The following FMO3 variants were observed in gnomAD, a reference collection of about 807,000 sequenced individuals.
The protein encoded by FMO3 is flavin-containing monooxygenase 3.
Under a neutral mutation model 39.4 loss-of-function variants are expected in FMO3, and 40 were observed. That is an observed-to-expected ratio of 1.02 (90% CI 0.79 to 1.32). FMO3 has a LOEUF of 1.32. Ranked by LOEUF, FMO3 falls within the 40% of genes most tolerant of loss-of-function variation. The probability of loss-of-function intolerance (pLI) is 0.00; values close to 1 mark genes in which losing one functional copy is unlikely to be tolerated. For synonymous variants in FMO3, 219 were observed against 228.8 expected (o/e 0.96, Z 0.39); for missense variants, 680 against 651.8 (o/e 1.04, Z -0.47).
chr1:171,108,656 G>A (rs1655759867), intron 5 of FMO3, among the ~76,000 whole-genome samples: 1 of 152,082 alleles, frequency 6.6e-6, no homozygotes, highest in Admixed American at 6.6e-5. Flanking sequence ...ATACAGAGTG[G>A]CTCATTTATT....
At chr1:171,096,234 T>C (rs1193794348) in intron 2 of FMO3, among the ~76,000 whole-genome samples, 1 of 49,088 alleles carries the variant, frequency 2.0e-5, no homozygotes, top group Non-Finnish European at 2.9e-5. Context: ...ACATAAAATA[T>C]ATTATTTCAT....
At position 171,117,381 on chromosome 1, in the gene FMO3, A is replaced by G. The variant is rs1213957447; in HGVS notation, c.1538A>G (p.His513Arg). Residue 513 changes from histidine (H) to arginine (R), a missense_variant, in exon 9 of 9, where the codon CAT becomes CGT. Transcript: ENST00000367755. ...GRLQKPCFFF[H>R]WLKLFAIPIL... ...CTTCAGAAGCCTTGCTTCTTTTTCC[A>G]TTGGCTGAAGCTCTTTGCAATTCCT... is the stretch of plus-strand genomic sequence containing the variant. The G allele has an allele frequency of 3.7e-6, 6 of 1,612,320 alleles. No homozygotes were observed. Among genetic ancestry groups the G allele is most frequent in the South Asian group, 1.1e-5 (1 of 90,900 alleles).
chr1:171,103,519 C>T (rs1174688454), intron 2 of FMO3, among the ~76,000 whole-genome samples: 1 of 152,106 alleles, frequency 6.6e-6, no homozygotes, highest in African/African-American at 2.4e-5. Context: ...AAAAACAATA[C>T]ACTACAACTA....
At chr1:171,095,519 C>G (rs1571199642) in intron 2 of FMO3, among the ~76,000 whole-genome samples, 1 of 151,376 alleles carries the variant, frequency 6.6e-6, no homozygotes, top group African/African-American at 2.4e-5. Flanking sequence ...ATTAATGACC[C>G]TTTTAAGCCA....
chr1:171,105,059 A>AT (rs930783327), intron 3 of FMO3, among the ~76,000 whole-genome samples: 10 of 113,964 alleles, frequency 8.8e-5, no homozygotes, highest in African/African-American at 2.0e-4. Flanking sequence ...AATTTTCTCA[A>AT]TTTTTTAAAA....
Position 171,103,975 on chromosome 1 carries a change from T to G in FMO3, c.321+2T>G. On this transcript the variant is annotated splice_donor_variant, in intron 3 of 8. Coordinates refer to ENST00000367755, the MANE Select transcript of FMO3 (RefSeq NM_001002294.3). LOFTEE classifies it high-confidence loss of function. ...CTCCTGAAGTACATACAATTTAAGG[T>G]AAGATGTTATCAACAATTTAGCTCT... 1 of 1,602,220 alleles carries G rather than the reference T, an allele frequency of 6.2e-7. No individual in the cohort carries two copies. The highest frequency in any genetic ancestry group is 8.6e-7 in the Non-Finnish European group (1 of 1,169,512).
chr1:171,112,276 G>A (rs1225084759), intron 6 of FMO3, among the ~76,000 whole-genome samples: 3 of 152,190 alleles, frequency 2.0e-5, no homozygotes, highest in Non-Finnish European at 4.4e-5. Context: ...AACTACAGCA[G>A]GCATCTGAGC....
chr1:171,116,071 C>G, intron 7 of FMO3, 137 bp from the exon 8 acceptor site: 1 of 657,300 alleles, frequency 1.5e-6, no homozygotes, highest in South Asian at 1.8e-5. Flanking sequence ...TCTGAGAAGA[C>G]TAGAACTGAA....
Position 171,097,513 on chromosome 1 carries a change from GT to G in FMO3, c.132+4727del, listed in dbSNP as rs1328376723. On this transcript the variant is annotated intron_variant, in intron 2 of 8. Transcript: ENST00000367755. ...TGGTGTGAGATGATATCTCATTTTG[GT>G]TTTGATTTGCATTTCTCTGATGGTC... is the stretch of plus-strand genomic sequence containing the variant. Among the ~76,000 whole-genome samples, 18 of 126,442 alleles carry G rather than the reference GT, an allele frequency of 1.4e-4. 3 individuals are homozygous for G. Among genetic ancestry groups the G allele is most frequent in the Non-Finnish European group, 2.3e-4 (14 of 61,798 alleles). 83.0% of individuals were successfully genotyped at this position (126,442 alleles called of 152,430 possible).
Position 171,104,965 on chromosome 1 carries a change from A to T in FMO3, c.321+992A>T, listed in dbSNP as rs143637584. The stretch of plus-strand genomic sequence containing the variant: ...AATAAATAATATTGCGAAGGAAAGG[A>T]TAGACAAAATGGATACAGATGAATT... On this transcript the variant is annotated intron_variant, in intron 3 of 8. Coordinates refer to ENST00000367755, the MANE Select transcript of FMO3 (RefSeq NM_001002294.3). 1.3e-3 allele frequency among the ~76,000 whole-genome samples: 197 copies of T among 152,288 alleles called. 3 individuals are homozygous for T. The highest frequency in any genetic ancestry group is 0.011 in the Admixed American group (170 of 15,278).
intron 5 of FMO3, among the ~76,000 whole-genome samples, chr1:171,110,450 T>C (rs1655854275): frequency 6.6e-6 from 1 of 152,156 alleles, no homozygotes; most frequent in Non-Finnish European, 1.5e-5. Context: ...TTGGGAACAC[T>C]CTCAGGATCA....
intron 2 of FMO3, chr1:171,101,791 C>A: frequency 2.0e-6 from 1 of 505,602 alleles, no homozygotes; most frequent in Admixed American, 2.0e-5. Flanking sequence ...GGCCACGGAT[C>A]TGGGCAAAAT....
At chr1:171,103,727 A>C in intron 2 of FMO3, 58 bp from the exon 3 acceptor site, 1 of 1,411,456 alleles carries the variant, frequency 7.1e-7, no homozygotes. Flanking sequence ...ACCAGCCCTG[A>C]CCATGATCAG....
chr1:171,095,646 A>G (rs1654921371), intron 2 of FMO3, among the ~76,000 whole-genome samples: 1 of 149,254 alleles, frequency 6.7e-6, no homozygotes, highest in Non-Finnish European at 1.5e-5. Flanking sequence ...ATGAGATATC[A>G]TTCTTATTAA....
At chr1:171,099,919 G>A (rs1655296390) in intron 2 of FMO3, 1 of 151,836 alleles carries the variant, frequency 6.6e-6, no homozygotes, top group Non-Finnish European at 1.5e-5. Flanking sequence ...CGAATAGTTG[G>A]GATTACAGGT....
chr1:171,098,688 G>T (rs562710609), intron 2 of FMO3, among the ~76,000 whole-genome samples: 2 of 152,240 alleles, frequency 1.3e-5, no homozygotes, highest in South Asian at 4.1e-4. Context: ...AGGAGATTTT[G>T]GGCTGAGACG....
intron 2 of FMO3, chr1:171,101,861 T>G (rs1655410116): frequency 2.5e-6 from 1 of 403,976 alleles, no homozygotes; most frequent in African/African-American, 2.1e-5. Context: ...AATTTTTGCA[T>G]GAAGTTTTAT....
At chr1:171,106,112 T>A (rs1276368851) in intron 3 of FMO3, among the ~76,000 whole-genome samples, 1 of 152,082 alleles carries the variant, frequency 6.6e-6, no homozygotes, top group East Asian at 1.9e-4. Flanking sequence ...ATTATACATT[T>A]TTTTCAGTTT....
chr1:171,097,071 G>C (rs1451429018), intron 2 of FMO3, among the ~76,000 whole-genome samples: 72 of 150,548 alleles, frequency 4.8e-4, no homozygotes, highest in African/African-American at 1.7e-3. Flanking sequence ...ATAGTTTGCT[G>C]AGAATGATGG....
Sources: allele counts gnomAD v4.1 joint callset (sites outside exome capture counted in the v4.1 genomes callset), GRCh38; gene constraint gnomAD v4.1.1; transcripts MANE v1.5; gene names NCBI Gene and HGNC (gene_info 2026-07-23, HGNC 2026-07-21).